The following ITFG1 variants were observed in gnomAD, a reference collection of about 807,000 sequenced individuals.
ITFG1 encodes T-cell immunomodulatory protein.
ITFG1 carries 34 observed loss-of-function variants against 81.8 expected under a neutral mutation model. The observed-to-expected ratio is 0.42, with a 90% confidence interval of 0.32 to 0.55. The LOEUF is 0.55. Among genes scored for constraint, ITFG1 ranks in the 20% least tolerant of loss-of-function variants. ITFG1 has a pLI of 0.17. For missense variants in ITFG1, 672 were observed against 755.4 expected (o/e 0.89, Z 1.29); for synonymous variants, 285 against 270.6 (o/e 1.05, Z -0.52).
At chr16:47,447,703 C>A (rs1393175315) in intron 5 of ITFG1, among the ~76,000 whole-genome samples, 1 of 152,046 alleles carries the variant, frequency 6.6e-6, no homozygotes, top group Admixed American at 6.6e-5. Flanking sequence ...AAATTATAGA[C>A]CCTTAAGAAA....
chr16:47,290,417 C>T (rs1262008931), intron 10 of ITFG1, among the ~76,000 whole-genome samples: 3 of 152,078 alleles, frequency 2.0e-5, no homozygotes, highest in Non-Finnish European at 4.4e-5. Flanking sequence ...ACTGACGTCT[C>T]CATCTATTAT....
intron 6 of ITFG1, among the ~76,000 whole-genome samples, chr16:47,405,134 C>T (rs1194942823): frequency 6.6e-6 from 1 of 151,908 alleles, no homozygotes; most frequent in Non-Finnish European, 1.5e-5. Flanking sequence ...TTGATATACT[C>T]CCTATATCAT....
chr16:47,454,046 C>T lies in ITFG1; in HGVS notation c.394G>A (p.Ala132Thr). 6.2e-7 allele frequency: 1 copy of T among 1,609,646 alleles called. No homozygotes were observed. Among genetic ancestry groups the T allele is most frequent in the South Asian group, 1.1e-5 (1 of 90,430 alleles). The change falls in exon 3 of 18, where the codon GCT (alanine) becomes ACT (threonine). Residue 132 changes from alanine to threonine, a missense_variant. Ala to Thr is a moderately conservative substitution (Grantham distance 58). Around this residue, in one of 3 missense-constraint regions of ITFG1, gnomAD observed 560 missense variants for 625.7 expected, o/e 0.90. Transcript: ENST00000320640. Reference protein sequence around the residue: ...PKNYAKSELGAVIFWGQNQTL... With the variant: ...PKNYAKSELGTVIFWGQNQTL... The stretch of plus-strand genomic sequence containing the variant: ...TGATTTTGTCCCCAGAAGATAACAG[C>T]TCCTAATTCACTCTTGGCATAATTT...
chr16:47,189,516 T>A (rs944776275), intron 14 of ITFG1, among the ~76,000 whole-genome samples: 5 of 152,218 alleles, frequency 3.3e-5, no homozygotes, highest in Non-Finnish European at 5.9e-5. Flanking sequence ...GTATGGTTCA[T>A]CATATTGTTG....
chr16:47,324,361 G>A (rs992390139), intron 8 of ITFG1, among the ~76,000 whole-genome samples: 1 of 151,870 alleles, frequency 6.6e-6, no homozygotes, highest in Non-Finnish European at 1.5e-5. Context: ...AGGAACAACT[G>A]GTACCAGCCA....
intron 9 of ITFG1, among the ~76,000 whole-genome samples, chr16:47,313,273 C>G (rs1967296367): frequency 6.6e-6 from 1 of 152,118 alleles, no homozygotes; most frequent in Non-Finnish European, 1.5e-5. Context: ...ATTGTTATAA[C>G]CTATCATTCC....
At chr16:47,304,682 C>G (rs997916114) in intron 10 of ITFG1, among the ~76,000 whole-genome samples, 1 of 152,142 alleles carries the variant, frequency 6.6e-6, no homozygotes, top group Non-Finnish European at 1.5e-5. Context: ...GTCCTATTCA[C>G]AGACTATTAG....
chr16:47,346,568 G>C (rs1005586290), intron 8 of ITFG1, among the ~76,000 whole-genome samples: 1 of 152,150 alleles, frequency 6.6e-6, no homozygotes, highest in African/African-American at 2.4e-5. Context: ...CTTAAAATCA[G>C]AGAAGAAGCA....
At chr16:47,372,728 C>T (rs1160577560) in intron 7 of ITFG1, among the ~76,000 whole-genome samples, 1 of 152,176 alleles carries the variant, frequency 6.6e-6, no homozygotes, top group Non-Finnish European at 1.5e-5. Flanking sequence ...ACTGGGATTA[C>T]AGGTGTGAGC....
At chr16:47,181,321 G>GC (rs1465450980) in intron 14 of ITFG1, among the ~76,000 whole-genome samples, 1 of 151,440 alleles carries the variant, frequency 6.6e-6, no homozygotes, top group Non-Finnish European at 1.5e-5. Context: ...GAGCGTCTCC[G>GC]CCTGGCAGCC....
chr16:47,250,455 TA>T (rs1221953577), intron 12 of ITFG1, among the ~76,000 whole-genome samples: 3 of 151,710 alleles, frequency 2.0e-5, no homozygotes, highest in East Asian at 1.9e-4. Context: ...ACATATCGAA[TA>T]AAAAAATGGT....
At chr16:47,420,908 A>G (rs1224845959) in intron 6 of ITFG1, among the ~76,000 whole-genome samples, 1 of 152,180 alleles carries the variant, frequency 6.6e-6, no homozygotes, top group African/African-American at 2.4e-5. Context: ...CTTTAGATAT[A>G]ATAATATTTT....
chr16:47,411,762 C>T (rs186911058), intron 6 of ITFG1, among the ~76,000 whole-genome samples: 16 of 152,214 alleles, frequency 1.1e-4, no homozygotes, highest in African/African-American at 3.1e-4. Flanking sequence ...GGCTCCCATA[C>T]GGCCTGGGAA....
intron 3 of ITFG1, 117 bp downstream of exon 3, chr16:47,453,896 G>A: frequency 1.4e-6 from 1 of 692,024 alleles, no homozygotes. Context: ...TTGAAAAAAG[G>A]TTTTACAATT....
In ITFG1 at chr16:47,410,897, T is replaced by C. The variant is rs1968802203; in HGVS notation, c.655+17907A>G. 2.0e-5 allele frequency among the ~76,000 whole-genome samples: 3 copies of C among 152,168 alleles called. No homozygotes were observed. In the South Asian group the frequency reaches 6.2e-4, roughly 31 times the overall value. On this transcript the variant is annotated intron_variant, in intron 6 of 17. Coordinates refer to ENST00000320640, the MANE Select transcript of ITFG1 (RefSeq NM_030790.5). The stretch of plus-strand genomic sequence containing the variant: ...TTCCCCAAGGCTCTCCATCTTCTTC[T>C]GGGTAGCTCTAACCAGGGCCAGGGA...
At chr16:47,268,818 G>C (rs1291947491) in intron 10 of ITFG1, among the ~76,000 whole-genome samples, 1 of 152,200 alleles carries the variant, frequency 6.6e-6, no homozygotes, top group Non-Finnish European at 1.5e-5. Flanking sequence ...TCATGACCAA[G>C]TTGAATTTAT....
intron 13 of ITFG1, among the ~76,000 whole-genome samples, chr16:47,221,791 G>A (rs868163908): frequency 2.6e-5 from 4 of 152,114 alleles, no homozygotes; most frequent in African/African-American, 9.7e-5. Context: ...AGAGATTCAA[G>A]TTCTTCCTGG....
At position 47,231,074 on chromosome 16, in the gene ITFG1, C is replaced by A. The variant is rs547080917; in HGVS notation, c.1374+6891G>T. Among the ~76,000 whole-genome samples the A allele has an allele frequency of 6.8e-4, 103 of 152,280 alleles. 1 individual carries two copies. Among genetic ancestry groups the A allele is most frequent in the African/African-American group, 2.4e-3 (98 of 41,554 alleles). On this transcript the variant is annotated intron_variant, in intron 13 of 17. Transcript: ENST00000320640. ...AAATGACAAATTATTAAGCACCAGC[C>A]CCTCTGTTAGGTTCCAGGACATACT...
At chr16:47,374,851 G>A (rs920395967) in intron 7 of ITFG1, among the ~76,000 whole-genome samples, 2 of 151,982 alleles carry the variant, frequency 1.3e-5, no homozygotes, top group Non-Finnish European at 2.9e-5. Context: ...ACCCCCCATC[G>A]TAGTTTCCTT....
Sources: allele counts gnomAD v4.1 joint callset (sites outside exome capture counted in the v4.1 genomes callset), GRCh38; gene constraint gnomAD v4.1.1; regional missense constraint gnomAD v4.1.1; transcripts MANE v1.5; gene names NCBI Gene and HGNC (gene_info 2026-07-23, HGNC 2026-07-21).